The following ATF6B variants were observed in gnomAD, a reference collection of about 807,000 sequenced individuals.
The protein encoded by ATF6B is cyclic AMP-dependent transcription factor ATF-6 beta.
ATF6B carries 50 observed loss-of-function variants against 83.5 expected under a neutral mutation model. The observed-to-expected ratio is 0.60, with a 90% CI of 0.48 to 0.76. ATF6B has a LOEUF of 0.76. Ranked by LOEUF, ATF6B falls within the 30% of genes least tolerant of loss-of-function variation. The pLI is 0.00. For synonymous variants in ATF6B, 344 were observed against 362.8 expected (o/e 0.95, Z 0.59); for missense variants, 790 against 893.8 (o/e 0.88, Z 1.48).
In ATF6B at chr6:32,118,119, G is replaced by C. The variant is rs1015371247; in HGVS notation, c.1245-81C>G. 27 of 1,546,022 alleles carry C rather than the reference G, an allele frequency of 1.7e-5. No homozygotes were observed. The highest frequency in any genetic ancestry group is 2.3e-5 in the Non-Finnish European group (26 of 1,126,982). Reference sequence around the variant, plus strand: ...AGGTAAGAATAAAGACTCTGCAGATGGACTGCTTGAGTTGCAATCTGTTAT... The same window carrying C: ...AGGTAAGAATAAAGACTCTGCAGATCGACTGCTTGAGTTGCAATCTGTTAT... On this transcript the variant is annotated intron_variant, in intron 11 of 17. Transcript: ENST00000375203. This position sits in a 1 kb window ranked among gnomAD's most constrained non-coding sequence, Gnocchi z 5.2.
chr6:32,124,934 G>A (rs1164850964), intron 5 of ATF6B, among the ~76,000 whole-genome samples: 3 of 151,274 alleles, frequency 2.0e-5, no homozygotes, highest in African/African-American at 4.9e-5. Flanking sequence ...TGCAAGCTCC[G>A]CCTCCCGGGT....
rs775686587 is a variant in ATF6B, at chr6:32,120,699, C to G, written c.832+72G>C. On this transcript the variant is annotated intron_variant, in intron 8 of 17. Transcript: ENST00000375203. ...CTTCTGACCTCAGGTGATTCGCCCG[C>G]CTCAGCCTCCCAAAGTGCTGGGATT... The G allele has an allele frequency of 2.6e-6, 4 of 1,548,430 alleles. No homozygotes were observed. In the African/African-American group the frequency reaches 5.5e-5, roughly 21 times the overall value.
At chr6:32,121,440 C>T (rs892641037) in intron 5 of ATF6B, 92 bp from the exon 6 acceptor site, 24 of 1,267,048 alleles carry the variant, frequency 1.9e-5, no homozygotes, top group African/African-American at 2.9e-5. Context: ...TGGTGGCTCA[C>T]GCCTGTAATC....
Position 32,118,801 on chromosome 6 carries a change from G to C in ATF6B, c.1218C>G (p.Phe406Leu), listed in dbSNP as rs1464366265. 6.2e-7 allele frequency: 1 copy of C among 1,614,248 alleles called. No individual in the cohort carries two copies. Residue 406 changes from phenylalanine (F) to leucine (L), a missense_variant, in exon 11 of 18, where the codon TTC (phenylalanine) becomes TTG (leucine). Phe to Leu is a conservative substitution (Grantham distance 22, BLOSUM62 0). This residue lies in a region of ATF6B where 530 missense variants were observed against 632.6 expected (regional missense o/e 0.84). Transcript: ENST00000375203. This position sits in a 1 kb window ranked among gnomAD's most constrained non-coding sequence, Gnocchi z 5.2. ...KVVCIMVFLL[F>L]IAFNFGPVSI... is the part of the protein sequence containing the mutation. ...TGACAGGTCCAAAGTTGAAGGCAATGAAGAGAAGGAAGACCATGATGCAGA... is the reference window on the plus strand; with the variant it reads ...TGACAGGTCCAAAGTTGAAGGCAATCAAGAGAAGGAAGACCATGATGCAGA...
intron 8 of ATF6B, chr6:32,120,164 C>G (rs563929769): frequency 7.0e-5 from 31 of 443,162 alleles, no homozygotes; most frequent in South Asian, 1.5e-4. Flanking sequence ...GTGGTGCGAT[C>G]TCGGCTCACT....
intron 8 of ATF6B, 107 bp downstream of exon 8, chr6:32,120,664 T>C: frequency 1.5e-6 from 2 of 1,367,268 alleles, no homozygotes; most frequent in African/African-American, 3.0e-5. Flanking sequence ...TTGGCCAGGC[T>C]GGTCTTAAAC....
intron 4 of ATF6B, 125 bp from the exon 5 acceptor site, chr6:32,126,377 A>C: frequency 8.2e-7 from 1 of 1,218,518 alleles, no homozygotes; most frequent in Non-Finnish European, 1.1e-6. Context: ...ATTATTTGAC[A>C]TTCTGGTCTG....
Position 32,115,447 on chromosome 6 carries a change from CAAAATAA to C in ATF6B, c.*285_*291del. Reference sequence around the variant, plus strand: ...CTCCACTGCCATAACACTAGAGAAACAAAATAAAAAATATGCAGCAGCTCACCACCCA... The same window carrying C: ...CTCCACTGCCATAACACTAGAGAAACAAAATATGCAGCAGCTCACCACCCA... On this transcript the variant is annotated 3_prime_UTR_variant, in exon 18 of 18. Coordinates refer to ENST00000375203, the MANE Select transcript of ATF6B (RefSeq NM_004381.5). 1 of 246,364 alleles carries C rather than the reference CAAAATAA, an allele frequency of 4.1e-6. No individual in the cohort carries two copies. The highest frequency in any genetic ancestry group is 7.3e-6 in the Non-Finnish European group (1 of 137,120). The allele number at this position is 246,364 out of a possible 1,614,324, so 15.3% of individuals were successfully genotyped here.
At chr6:32,122,601 C>G (rs920837708) in intron 5 of ATF6B, among the ~76,000 whole-genome samples, 3 of 151,872 alleles carry the variant, frequency 2.0e-5, no homozygotes, top group Non-Finnish European at 2.9e-5. Flanking sequence ...GTAATCCCAG[C>G]ACTTTGGGAG....
In ATF6B at chr6:32,118,656, A is replaced by C; in HGVS notation, c.1244+119T>G. 1 of 994,940 alleles carries C rather than the reference A, an allele frequency of 1.0e-6. No homozygotes were observed. Among genetic ancestry groups the C allele is most frequent in the Non-Finnish European group, 1.5e-6 (1 of 651,788 alleles). 61.6% of individuals were successfully genotyped at this position (994,940 alleles called of 1,614,324 possible). A position where few individuals can be genotyped will look rare whatever the true frequency, so the allele number is the denominator to read the frequency against. ...CTGGCCAGACACATCATCGGTGCCA[A>C]GGACACCAGAACCATTTGTATATAA... On this transcript the variant is annotated intron_variant, in intron 11 of 17. Transcript: ENST00000375203. This position sits in a 1 kb window ranked among gnomAD's most constrained non-coding sequence, Gnocchi z 5.2.
Position 32,117,350 on chromosome 6 carries a change from C to T in ATF6B, c.1587G>A (p.Lys529=). 6.2e-7 allele frequency: 1 copy of T among 1,614,074 alleles called. No homozygotes were observed. Among genetic ancestry groups the T allele is most frequent in the South Asian group, 1.1e-5 (1 of 91,076 alleles). ...WVQRHQRGRR[K]IPQRAQERQK... ...GTCTCTCCTGGGCCCTCTGAGGGAT[C>T]TTCCTCCGGCCTCTCTGGTGGCGCT... is the stretch of plus-strand genomic sequence containing the variant. Residue 529 remains lysine (K), a synonymous_variant, in exon 14 of 18, where the codon AAG becomes AAA. Transcript: ENST00000375203. This position sits in a 1 kb window ranked among gnomAD's most constrained non-coding sequence, Gnocchi z 5.0.
At position 32,119,865 on chromosome 6, in the gene ATF6B, G is replaced by A. The variant is rs890496848; in HGVS notation, c.925C>T (p.Pro309Ser). The A allele has an allele frequency of 1.9e-6, 3 of 1,614,014 alleles. No individual in the cohort carries two copies. Among genetic ancestry groups the A allele is most frequent in the Non-Finnish European group, 2.5e-6 (3 of 1,180,030 alleles). ...LPRPERKSIV[P>S]APMPGNSCPP... ...CAGGAGTTTCCAGGCATAGGAGCGGGAACGATGCTCTTCCTCTCAGGCCGT... is the reference window on the plus strand; with the variant it reads ...CAGGAGTTTCCAGGCATAGGAGCGGAAACGATGCTCTTCCTCTCAGGCCGT... The change falls in exon 9 of 18, where the codon CCC becomes TCC. Residue 309 changes from proline (P) to serine (S), a missense_variant. Physicochemically the swap from Pro to Ser is moderately conservative, Grantham distance 74. This residue lies in a region of ATF6B where 530 missense variants were observed against 632.6 expected (regional missense o/e 0.84). Coordinates refer to ENST00000375203, the MANE Select transcript of ATF6B (RefSeq NM_004381.5). The surrounding 1 kb of genome is among the most constrained non-coding windows in gnomAD (Gnocchi z 4.9).
chr6:32,119,406 T>C lies in ATF6B; in HGVS notation c.967-265A>G, dbSNP rs1397798569. On this transcript the variant is annotated intron_variant, in intron 9 of 17. Transcript: ENST00000375203. This position sits in a 1 kb window ranked among gnomAD's most constrained non-coding sequence, Gnocchi z 4.9. ...ACTTTCTCCATGCTGGTGGAAACTCTTTCCTTCGTAACTCTTTCTTCCTGT... is the reference window on the plus strand; with the variant it reads ...ACTTTCTCCATGCTGGTGGAAACTCCTTCCTTCGTAACTCTTTCTTCCTGT... Among the ~76,000 whole-genome samples, 3 of 152,206 alleles carry C rather than the reference T, an allele frequency of 2.0e-5. No individual in the cohort carries two copies. Among genetic ancestry groups the C allele is most frequent in the Non-Finnish European group, 1.5e-5 (1 of 68,022 alleles).
In ATF6B at chr6:32,126,184, T is replaced by G. The variant is rs1452769095; in HGVS notation, c.411A>C (p.Gly137=). ...ESLAPPLCLL[G]DDPTSSFETV... ...TTTCAAATGAGGATGTTGGGTCATC[T>G]CCCAGGAGACACAGTGGGGGTGCCA... is the stretch of plus-strand genomic sequence containing the variant. Residue 137 remains glycine, a synonymous_variant, in exon 5 of 18, where the codon GGA becomes GGC. Transcript: ENST00000375203. 6.2e-7 allele frequency: 1 copy of G among 1,614,160 alleles called. No homozygotes were observed. Among genetic ancestry groups the G allele is most frequent in the Non-Finnish European group, 8.5e-7 (1 of 1,180,038 alleles).
At position 32,117,873 on chromosome 6, in the gene ATF6B, G is replaced by A. The variant is rs1325636132; in HGVS notation, c.1410C>T (p.Asp470=). ...GPKEPQPSPT[D]QPSFSNLTAF... is the part of the protein sequence containing the mutation. ...TCTCTCCTCACCTGAAACTGGGCTG[G>A]TCTGTGGGGCTGGGCTGGGGCTCCT... Residue 470 remains aspartate, a synonymous_variant, in exon 12 of 18, where the codon GAC becomes GAT. Coordinates refer to ENST00000375203, the MANE Select transcript of ATF6B (RefSeq NM_004381.5). The surrounding 1 kb of genome is among the most constrained non-coding windows in gnomAD (Gnocchi z 5.0). 4 of 1,569,292 alleles carry A rather than the reference G, an allele frequency of 2.5e-6. No individual in the cohort carries two copies. Among genetic ancestry groups the A allele is most frequent in the African/African-American group, 1.4e-5 (1 of 73,418 alleles).
At chr6:32,124,060 C>T (rs886780572) in intron 5 of ATF6B, among the ~76,000 whole-genome samples, 6 of 152,070 alleles carry the variant, frequency 3.9e-5, no homozygotes, top group Admixed American at 2.0e-4. Flanking sequence ...ATTAGCCAGG[C>T]GTGGTGGAGC....
chr6:32,126,330 A>C, intron 4 of ATF6B, 78 bp from the exon 5 acceptor site: 2 of 1,531,960 alleles, frequency 1.3e-6, no homozygotes, highest in Non-Finnish European at 1.8e-6. Flanking sequence ...AAGAGCGAGA[A>C]CAAAAGCTTT....
chr6:32,120,192 G>GCAA lies in ATF6B; in HGVS notation c.833-236_833-235insTTG, dbSNP rs1487354759. On this transcript the variant is annotated intron_variant, in intron 8 of 17. Coordinates refer to ENST00000375203, the MANE Select transcript of ATF6B (RefSeq NM_004381.5). ...GGCTCACTGCAAGCTCCGCCTCCCG[G>GCAA]GTTCACGCCATTCTCCTGCCTCAGC... The GCAA allele has an allele frequency of 6.5e-4, 210 of 324,502 alleles. 1 individual carries two copies. The highest frequency in any genetic ancestry group is 1.1e-3 in the Non-Finnish European group (194 of 179,908). 20.1% of individuals were successfully genotyped at this position (324,502 alleles called of 1,614,324 possible). A position where few individuals can be genotyped will look rare whatever the true frequency, so the allele number is the denominator to read the frequency against.
intron 5 of ATF6B, 132 bp from the exon 6 acceptor site, chr6:32,121,480 A>T: frequency 1.2e-6 from 1 of 801,408 alleles, no homozygotes. Flanking sequence ...AGGCGGGCAG[A>T]TCACCTGAGG....
Sources: gnomAD v4.1 joint callset for allele counts (sites outside exome capture counted in the v4.1 genomes callset) on GRCh38, gnomAD v4.1.1 for gene constraint, gnomAD v4.1.1 regional missense constraint, Gnocchi (gnomAD v3.1) non-coding constraint, MANE v1.5 for transcripts, NCBI Gene and HGNC (gene_info 2026-07-23, HGNC 2026-07-21) for gene names.